Variants in IL21R observed in about 807,000 individuals in gnomAD.
IL21R encodes interleukin 21 receptor, also known as interleukin-21 receptor.
Under a neutral mutation model 41.3 loss-of-function variants are expected in IL21R, and 14 were observed. The observed-to-expected ratio is 0.34, with a 90% CI of 0.22 to 0.53. IL21R has a LOEUF of 0.53. Among genes scored for constraint, IL21R ranks in the 20% least tolerant of loss-of-function variants. The pLI is 0.94. For missense variants in IL21R, 588 were observed against 681.6 expected, an observed-to-expected ratio of 0.86 and a Z score of 1.53; for synonymous variants, 286 against 287.6, an observed-to-expected ratio of 0.99 and a Z score of 0.05.
chr16:27,447,126 A>G (rs942856221), intron 8 of IL21R, among the ~76,000 whole-genome samples: 2 of 152,164 alleles, frequency 1.3e-5, no homozygotes, highest in African/African-American at 4.8e-5. Context: ...GTGGGCAGGG[A>G]GGAACATGGA....
rs1362066050 is a variant in IL21R, at chr16:27,446,070, C to G, written c.849C>G (p.Gly283=). Residue 283 remains glycine, a synonymous_variant, in exon 8 of 9, where the codon GGC becomes GGG. Transcript: ENST00000337929. ...GGTTCTTCATGCCCCTGTACAAGGG[C>G]TGCAGCGGAGACTTCAAGGTGAGCT... The part of the protein sequence containing the change: ...PERFFMPLYK[G]CSGDFKKWVG... 1.4e-5 allele frequency: 22 copies of G among 1,613,600 alleles called. No homozygotes were observed. Among genetic ancestry groups the G allele is most frequent in the Non-Finnish European group, 1.8e-5 (21 of 1,179,784 alleles).
intron 2 of IL21R, among the ~76,000 whole-genome samples, chr16:27,433,196 A>T (rs879759101): frequency 6.6e-6 from 1 of 152,174 alleles, no homozygotes; most frequent in Admixed American, 6.5e-5. Flanking sequence ...GTCAGGCACG[A>T]TGGCTCATTC....
At chr16:27,428,731 C>T (rs539313675) in intron 1 of IL21R, among the ~76,000 whole-genome samples, 1 of 152,210 alleles carries the variant, frequency 6.6e-6, no homozygotes, top group Non-Finnish European at 1.5e-5. Flanking sequence ...CAAAGAGGTT[C>T]CTTCTCCATC....
intron 1 of IL21R, chr16:27,403,163 G>A: frequency 7.8e-7 from 1 of 1,277,574 alleles, no homozygotes; most frequent in Non-Finnish European, 1.0e-6. Flanking sequence ...GTCAAGCCAG[G>A]TGACCCCATG....
Position 27,446,079 on chromosome 16 carries a change from A to G in IL21R, c.858A>G (p.Gly286=). 6.2e-7 allele frequency: 1 copy of G among 1,613,458 alleles called. No homozygotes were observed. The highest frequency in any genetic ancestry group is 8.5e-7 in the Non-Finnish European group (1 of 1,179,734). ...TGCCCCTGTACAAGGGCTGCAGCGG[A>G]GACTTCAAGGTGAGCTCCCGACCCT... is the stretch of plus-strand genomic sequence containing the variant. ...FFMPLYKGCS[G]DFKKWVGAPF... Residue 286 remains glycine, a synonymous_variant, in exon 8 of 9, where the codon GGA becomes GGG. Coordinates refer to ENST00000337929, the MANE Select transcript of IL21R (RefSeq NM_181078.3).
chr16:27,406,781 G>A (rs2086755781), intron 1 of IL21R, among the ~76,000 whole-genome samples: 1 of 152,170 alleles, frequency 6.6e-6, no homozygotes, highest in South Asian at 2.1e-4. Context: ...GGCTAAGCCT[G>A]CTGCCCCCAT....
intron 1 of IL21R, among the ~76,000 whole-genome samples, chr16:27,423,518 T>A (rs1470876656): frequency 6.6e-6 from 1 of 152,202 alleles, no homozygotes; most frequent in Non-Finnish European, 1.5e-5. Context: ...GATGTTATTA[T>A]CCCCATGAAT....
At chr16:27,405,512 G>GT (rs1484405746) in intron 1 of IL21R, among the ~76,000 whole-genome samples, 1 of 152,214 alleles carries the variant, frequency 6.6e-6, no homozygotes, top group African/African-American at 2.4e-5. Flanking sequence ...GCAGGGTGGG[G>GT]GTTTTTCTAG....
chr16:27,419,731 A>T (rs964618301), intron 1 of IL21R, among the ~76,000 whole-genome samples: 2 of 149,750 alleles, frequency 1.3e-5, no homozygotes, highest in Admixed American at 6.7e-5. Flanking sequence ...CCCCTCCAAC[A>T]TTTTTTTTTA....
At chr16:27,443,563 T>C (rs980630172) in intron 5 of IL21R, among the ~76,000 whole-genome samples, 1 of 152,090 alleles carries the variant, frequency 6.6e-6, no homozygotes, top group Non-Finnish European at 1.5e-5. Flanking sequence ...CAGGTGGATC[T>C]CTTGAGGTCA....
chr16:27,417,617 A>G, intron 1 of IL21R, among the ~76,000 whole-genome samples: 1 of 151,406 alleles, frequency 6.6e-6, no homozygotes, highest in Admixed American at 6.6e-5. Context: ...ACACAAACCT[A>G]GGTGGTATAG....
chr16:27,413,925 G>T (rs938470975), intron 1 of IL21R, among the ~76,000 whole-genome samples: 2 of 151,608 alleles, frequency 1.3e-5, no homozygotes, highest in African/African-American at 2.4e-5. Flanking sequence ...CAGCTTCTTT[G>T]AATAATAATA....
At chr16:27,439,011 C>T (rs2087323621) in intron 4 of IL21R, among the ~76,000 whole-genome samples, 1 of 151,994 alleles carries the variant, frequency 6.6e-6, no homozygotes, top group Non-Finnish European at 1.5e-5. Flanking sequence ...GGGAGCCTGC[C>T]CTCAGGAAGG....
rs1268785821 is a variant in IL21R, at chr16:27,402,227, GTC to G, written c.-402_-401del. The G allele has an allele frequency of 5.9e-5, 9 of 152,326 alleles. No individual in the cohort carries two copies. Among genetic ancestry groups the G allele is most frequent in the African/African-American group, 2.2e-4 (9 of 41,450 alleles). 9.4% of individuals were successfully genotyped at this position (152,326 alleles called of 1,614,324 possible). A position where few individuals can be genotyped will look rare whatever the true frequency, so the allele number is the denominator to read the frequency against. The stretch of plus-strand genomic sequence containing the variant: ...AGCGGCCTCAGACAGACCCACTGGC[GTC>G]TCTCTGCTGAGTGACCGTAAGCTCG... On this transcript the variant is annotated 5_prime_UTR_variant, in exon 1 of 9. An upstream open reading frame in the 5' UTR loses its in-frame stop. Coordinates refer to ENST00000337929, the MANE Select transcript of IL21R (RefSeq NM_181078.3).
chr16:27,410,900 A>G (rs1220727403), intron 1 of IL21R, among the ~76,000 whole-genome samples: 1 of 152,260 alleles, frequency 6.6e-6, no homozygotes, highest in Non-Finnish European at 1.5e-5. Flanking sequence ...CATACATCAT[A>G]TAAGTGATAC....
intron 2 of IL21R, among the ~76,000 whole-genome samples, chr16:27,431,970 CCA>C (rs920847768): frequency 3.7e-4 from 55 of 147,756 alleles, no homozygotes; most frequent in African/African-American, 1.4e-3. Context: ...GAACGCTGCA[CCA>C]CCCCCAGAGG....
chr16:27,403,618 C>T (rs890983536), intron 1 of IL21R, among the ~76,000 whole-genome samples: 11 of 152,304 alleles, frequency 7.2e-5, no homozygotes, highest in African/African-American at 2.6e-4. Flanking sequence ...GACCAAGGTA[C>T]CCCCATCCTG....
At chr16:27,427,263 G>A (rs1343175341) in intron 1 of IL21R, 4 of 985,458 alleles carry the variant, frequency 4.1e-6, no homozygotes, top group East Asian at 1.1e-4. Flanking sequence ...AACCACTAGA[G>A]GCAGCTCAGA....
chr16:27,438,023 T>C (rs755755981), intron 4 of IL21R, among the ~76,000 whole-genome samples: 2 of 152,150 alleles, frequency 1.3e-5, no homozygotes, highest in Admixed American at 6.5e-5. Context: ...ATGTCCTCAC[T>C]ACACCTTAGA....
Sources: gnomAD v4.1 joint callset for allele counts (sites outside exome capture counted in the v4.1 genomes callset) on GRCh38, gnomAD v4.1.1 for gene constraint, MANE v1.5 for transcripts, NCBI Gene and HGNC (gene_info 2026-07-23, HGNC 2026-07-21) for gene names.